Variants in EBF2 observed in about 807,000 individuals in gnomAD.
EBF2 encodes transcription factor COE2.
A neutral mutation model predicts 72.8 loss-of-function variants in EBF2; 21 were observed. The ratio of observed to expected loss-of-function variants is 0.29; its 90% CI spans 0.20 to 0.42. The LOEUF is 0.42. Ranked by LOEUF, EBF2 falls within the 10% of genes least tolerant of loss-of-function variation. EBF2 has a pLI of 1.00. For synonymous variants in EBF2, 299 were observed against 274.2 expected, an observed-to-expected ratio of 1.09 and a Z score of -0.89; for missense variants, 637 against 731.2, an observed-to-expected ratio of 0.87 and a Z score of 1.49.
intron 14 of EBF2, among the ~76,000 whole-genome samples, 199 bp from the exon 15 acceptor site, chr8:25,850,960 A>G (rs1202162077): frequency 6.6e-6 from 1 of 152,072 alleles, no homozygotes; most frequent in African/African-American, 2.4e-5. Context: ...TAATATGGTA[A>G]TGACGCTATT....
intron 6 of EBF2, among the ~76,000 whole-genome samples, chr8:25,975,099 C>T (rs1227366772): frequency 6.6e-6 from 1 of 152,104 alleles, no homozygotes; most frequent in African/African-American, 2.4e-5. Context: ...CCTAAAACAC[C>T]ATACACCCAA....
At chr8:25,883,207 T>C (rs1325003484) in intron 10 of EBF2, among the ~76,000 whole-genome samples, 1 of 152,210 alleles carries the variant, frequency 6.6e-6, no homozygotes, top group African/African-American at 2.4e-5. Context: ...TTTTGCTAGG[T>C]ACTGTGTTTC....
At chr8:25,851,982 T>C (rs1264807312) in intron 14 of EBF2, among the ~76,000 whole-genome samples, 1 of 152,218 alleles carries the variant, frequency 6.6e-6, no homozygotes, top group East Asian at 1.9e-4. Context: ...ACTTCCCATA[T>C]GATGTCTTTT....
At chr8:25,859,092 C>T (rs547834212) in intron 13 of EBF2, among the ~76,000 whole-genome samples, 1 of 152,160 alleles carries the variant, frequency 6.6e-6, no homozygotes, top group Non-Finnish European at 1.5e-5. Context: ...GTGTGGAGTT[C>T]CCTCTCCCAA....
intron 6 of EBF2, among the ~76,000 whole-genome samples, chr8:25,990,232 A>G (rs530557917): frequency 1.8e-4 from 27 of 152,144 alleles, no homozygotes; most frequent in African/African-American, 6.5e-4. Context: ...TAAAATCAAT[A>G]GACACATTTC....
intron 6 of EBF2, among the ~76,000 whole-genome samples, chr8:26,003,748 G>A (rs1327411133): frequency 3.9e-5 from 6 of 152,132 alleles, no homozygotes; most frequent in African/African-American, 1.4e-4. Context: ...TGACAGCCAG[G>A]ATTATTGAGA....
intron 6 of EBF2, among the ~76,000 whole-genome samples, chr8:25,976,071 G>A (rs190674917): frequency 1.3e-5 from 2 of 152,136 alleles, no homozygotes; most frequent in African/African-American, 4.8e-5. Context: ...TTAGTTTGGG[G>A]TCTTCTTTAA....
chr8:25,970,070 A>T (rs866120160), intron 6 of EBF2, among the ~76,000 whole-genome samples: 2 of 152,198 alleles, frequency 1.3e-5, no homozygotes, highest in Non-Finnish European at 1.5e-5. Flanking sequence ...GGTTAGGGTA[A>T]TGCAGTCTCT....
At chr8:25,858,559 C>T (rs1251851504) in intron 13 of EBF2, 55 bp from the exon 14 acceptor site, 47 of 1,544,770 alleles carry the variant, frequency 3.0e-5, no homozygotes, top group East Asian at 2.4e-5. Context: ...AGTCAGGCCA[C>T]ATGTGGCTAG....
chr8:26,030,993 C>T (rs7000022), intron 6 of EBF2, among the ~76,000 whole-genome samples: 147,202 of 152,334 alleles, frequency 0.97, 71,126 homozygotes, highest in East Asian at 1. Flanking sequence ...TCGGTGAATG[C>T]AGTGAGATGT....
intron 14 of EBF2, among the ~76,000 whole-genome samples, chr8:25,852,632 A>G (rs559420559): frequency 1.1e-3 from 173 of 152,202 alleles, no homozygotes; most frequent in Non-Finnish European, 2.0e-3. Flanking sequence ...TTGCAGTGGG[A>G]GAGGAAACAC....
At chr8:25,888,014 G>C in intron 8 of EBF2, 42 bp from the exon 9 acceptor site, 1 of 1,555,298 alleles carries the variant, frequency 6.4e-7, no homozygotes, top group East Asian at 2.3e-5. Flanking sequence ...GTTCTTTCAT[G>C]GGTGTCCAAC....
At chr8:26,025,664 T>C (rs533225534) in intron 6 of EBF2, among the ~76,000 whole-genome samples, 1 of 152,272 alleles carries the variant, frequency 6.6e-6, no homozygotes, top group East Asian at 1.9e-4. Context: ...TGTCCTCCAA[T>C]GAAGAGCTTC....
At chr8:25,885,944 GC>G (rs1195175687) in intron 10 of EBF2, among the ~76,000 whole-genome samples, 1 of 152,160 alleles carries the variant, frequency 6.6e-6, no homozygotes, top group Non-Finnish European at 1.5e-5. Context: ...TGTCAGACAA[GC>G]TTTTGGTCCT....
intron 6 of EBF2, among the ~76,000 whole-genome samples, chr8:25,947,873 G>A (rs1803797584): frequency 6.6e-6 from 1 of 152,118 alleles, no homozygotes; most frequent in African/African-American, 2.4e-5. Flanking sequence ...TTATAAATTC[G>A]GGGCAGACCT....
intron 6 of EBF2, among the ~76,000 whole-genome samples, chr8:26,024,988 A>G (rs924721908): frequency 6.6e-6 from 1 of 152,236 alleles, no homozygotes; most frequent in Non-Finnish European, 1.5e-5. Flanking sequence ...CATACCCCTG[A>G]ACAAGAGTAA....
At chr8:25,910,756 C>T (rs925264191) in intron 6 of EBF2, among the ~76,000 whole-genome samples, 1 of 151,952 alleles carries the variant, frequency 6.6e-6, no homozygotes, top group African/African-American at 2.4e-5. Flanking sequence ...CCTACACAGC[C>T]CCGTGCACTC....
intron 6 of EBF2, among the ~76,000 whole-genome samples, chr8:25,964,262 CT>C (rs1454668968): frequency 6.6e-6 from 1 of 151,888 alleles, no homozygotes; most frequent in African/African-American, 2.4e-5. Context: ...AGAGAACATT[CT>C]GTTGGGATTA....
At chr8:25,958,825 A>G (rs1585208300) in intron 6 of EBF2, among the ~76,000 whole-genome samples, 1 of 152,256 alleles carries the variant, frequency 6.6e-6, no homozygotes, top group African/African-American at 2.4e-5. Context: ...TTCCCCACAT[A>G]TGGTGACCCA....
Sources: allele counts gnomAD v4.1 joint callset (sites outside exome capture counted in the v4.1 genomes callset), GRCh38; gene constraint gnomAD v4.1.1; transcripts MANE v1.5; gene names NCBI Gene and HGNC (gene_info 2026-07-23, HGNC 2026-07-21).